The following PRRX1 variants were observed in gnomAD, a reference collection of about 807,000 sequenced individuals.
The protein encoded by PRRX1 is paired related homeobox 1, also known as paired mesoderm homeobox protein 1.
In PRRX1, 8 loss-of-function variants were observed where a neutral mutation model predicts 24.0. That is an observed-to-expected ratio of 0.33 (90% CI 0.20 to 0.60). The LOEUF (loss-of-function observed/expected upper bound fraction) is 0.60. Ranked by LOEUF, PRRX1 falls within the 20% of genes least tolerant of loss-of-function variation. The pLI is 0.82. For synonymous variants in PRRX1, 160 were observed against 131.7 expected (o/e 1.22, Z -1.47); for missense variants, 281 against 322.4 (o/e 0.87, Z 0.98).
intron 1 of PRRX1, among the ~76,000 whole-genome samples, chr1:170,673,817 C>T (rs1048263087): frequency 6.6e-6 from 1 of 152,162 alleles, no homozygotes; most frequent in African/African-American, 2.4e-5. Context: ...CATCCATCCC[C>T]AAATCCTATC....
intron 1 of PRRX1, among the ~76,000 whole-genome samples, chr1:170,676,417 G>A (rs1653323605): frequency 6.6e-6 from 1 of 151,328 alleles, no homozygotes; most frequent in African/African-American, 2.4e-5. Flanking sequence ...TTTTGATTTG[G>A]AGAATCAGAG....
At chr1:170,665,228 G>GCGGA (rs1652876643) in intron 1 of PRRX1, among the ~76,000 whole-genome samples, 1 of 152,254 alleles carries the variant, frequency 6.6e-6, no homozygotes, top group African/African-American at 2.4e-5. Context: ...GAGCTTCAGT[G>GCGGA]CGGAGGCCAG....
intron 1 of PRRX1, among the ~76,000 whole-genome samples, chr1:170,715,361 A>T (rs926587544): frequency 1.3e-5 from 2 of 152,196 alleles, no homozygotes; most frequent in African/African-American, 4.8e-5. Context: ...ATGTCAAGGA[A>T]TCCTATCTCT....
At chr1:170,726,664 G>A in intron 3 of PRRX1, 1 of 438,832 alleles carries the variant, frequency 2.3e-6, no homozygotes, top group Non-Finnish European at 4.1e-6. Context: ...TCAAAGATGA[G>A]GAAGAATCTA....
At chr1:170,719,463 C>T (rs1232993889) in intron 1 of PRRX1, among the ~76,000 whole-genome samples, 4 of 152,198 alleles carry the variant, frequency 2.6e-5, no homozygotes, top group Non-Finnish European at 5.9e-5. Context: ...AAGGATCATG[C>T]AAGTAATGTC....
At chr1:170,731,107 G>A (rs1290368729) in intron 3 of PRRX1, among the ~76,000 whole-genome samples, 1 of 152,188 alleles carries the variant, frequency 6.6e-6, no homozygotes, top group East Asian at 1.9e-4. Context: ...ATAGAAGTTA[G>A]TTATTTAAAT....
At chr1:170,703,168 C>A (rs989694156) in intron 1 of PRRX1, among the ~76,000 whole-genome samples, 19 of 152,226 alleles carry the variant, frequency 1.2e-4, no homozygotes, top group African/African-American at 4.1e-4. Context: ...CTATCCATTT[C>A]TTAAAAGTTC....
chr1:170,683,788 A>T (rs1653634737), intron 1 of PRRX1, among the ~76,000 whole-genome samples: 1 of 152,210 alleles, frequency 6.6e-6, no homozygotes, highest in Admixed American at 6.5e-5. Context: ...GACTTGTGTA[A>T]CTGAAATGTC....
Position 170,719,739 on chromosome 1 carries a change from C to T in PRRX1, c.255C>T (p.Asn85=). The part of the protein sequence containing the change: ...DTPQQDNDQL[N]SEEKKKRKQR... ...GTTCTATTCCAGATGACCAGCTGAA[C>T]TCAGAAGAAAAAAAGAAGAGAAAGC... is the stretch of plus-strand genomic sequence containing the variant. Residue 85 remains asparagine, a synonymous_variant, in exon 2 of 4, where the codon AAC becomes AAT. Coordinates refer to ENST00000239461, the MANE Select transcript of PRRX1 (RefSeq NM_022716.4). The T allele has an allele frequency of 6.2e-7, 1 of 1,614,092 alleles. No homozygotes were observed. The highest frequency in any genetic ancestry group is 8.5e-7 in the Non-Finnish European group (1 of 1,180,010).
intron 1 of PRRX1, among the ~76,000 whole-genome samples, chr1:170,714,345 A>C (rs533690268): frequency 2.6e-5 from 4 of 152,258 alleles, no homozygotes; most frequent in Admixed American, 1.3e-4. Flanking sequence ...TCCTTTGAAA[A>C]CATTGTTCAA....
At chr1:170,709,781 A>C (rs1203736930) in intron 1 of PRRX1, among the ~76,000 whole-genome samples, 1 of 152,188 alleles carries the variant, frequency 6.6e-6, no homozygotes, top group African/African-American at 2.4e-5. Context: ...TAAAGTCAAG[A>C]TTGAATGTAA....
intron 1 of PRRX1, among the ~76,000 whole-genome samples, chr1:170,688,161 G>T (rs927993011): frequency 2.6e-5 from 4 of 151,972 alleles, no homozygotes; most frequent in Non-Finnish European, 5.9e-5. Flanking sequence ...TAAAGATCTT[G>T]AGAGATGAAA....
At chr1:170,690,080 T>A (rs1044243597) in intron 1 of PRRX1, among the ~76,000 whole-genome samples, 3 of 151,680 alleles carry the variant, frequency 2.0e-5, no homozygotes, top group Non-Finnish European at 4.4e-5. Context: ...CTTGCTAGCA[T>A]TTGGTTAGCA....
At chr1:170,708,756 T>C (rs571291359) in intron 1 of PRRX1, among the ~76,000 whole-genome samples, 1 of 152,356 alleles carries the variant, frequency 6.6e-6, no homozygotes, top group East Asian at 1.9e-4. Context: ...CAAGGCTTAC[T>C]TTCTAATCAG....
At chr1:170,699,918 T>A (rs1371459510) in intron 1 of PRRX1, among the ~76,000 whole-genome samples, 1 of 152,024 alleles carries the variant, frequency 6.6e-6, no homozygotes, top group Non-Finnish European at 1.5e-5. Flanking sequence ...GTATTTTTAG[T>A]AGAGATGGGG....
At chr1:170,691,185 T>C (rs1653933472) in intron 1 of PRRX1, among the ~76,000 whole-genome samples, 1 of 152,140 alleles carries the variant, frequency 6.6e-6, no homozygotes, top group African/African-American at 2.4e-5. Flanking sequence ...GTGCAAAAGG[T>C]ATTTGTTGAA....
At chr1:170,722,409 AT>A (rs1479903346) in intron 2 of PRRX1, among the ~76,000 whole-genome samples, 1 of 152,066 alleles carries the variant, frequency 6.6e-6, no homozygotes, top group African/African-American at 2.4e-5. Context: ...TCAAGCACAT[AT>A]TATACTCTTG....
intron 1 of PRRX1, among the ~76,000 whole-genome samples, chr1:170,686,098 C>T (rs760529146): frequency 8.1e-5 from 12 of 147,652 alleles, no homozygotes; most frequent in Non-Finnish European, 1.8e-4. Flanking sequence ...CGGCACCTTT[C>T]ACCAGCATTA....
chr1:170,712,774 G>T (rs1056092217), intron 1 of PRRX1, among the ~76,000 whole-genome samples: 1 of 152,192 alleles, frequency 6.6e-6, no homozygotes, highest in Non-Finnish European at 1.5e-5. Flanking sequence ...CTAGTCAGTG[G>T]CAGGATCTGT....
Sources: gnomAD v4.1 joint callset for allele counts (sites outside exome capture counted in the v4.1 genomes callset) on GRCh38, gnomAD v4.1.1 for gene constraint, MANE v1.5 for transcripts, NCBI Gene and HGNC (gene_info 2026-07-23, HGNC 2026-07-21) for gene names.